Variants in SLC2A9 observed in about 807,000 individuals in gnomAD.
SLC2A9 encodes solute carrier family 2 member 9.
SLC2A9 carries 39 observed loss-of-function variants against 50.6 expected under a neutral mutation model. That is an observed-to-expected ratio of 0.77 (90% CI 0.60 to 1.01). The LOEUF (loss-of-function observed/expected upper bound fraction) is 1.01. SLC2A9 is among the 50% of genes least tolerant of loss of function. The pLI is 0.00. For synonymous variants in SLC2A9, 324 were observed against 276.9 expected (o/e 1.17, Z -1.69); for missense variants, 686 against 677.6 (o/e 1.01, Z -0.14).
At chr4:9,794,241 T>C (rs1002663776), downstream of SLC2A9, among the ~76,000 whole-genome samples, 1 of 151,984 alleles carries the variant, frequency 6.6e-6, no homozygotes, top group Non-Finnish European at 1.5e-5. Context: ...CTCTGGCTCC[T>C]GGTTTTGGTT....
Position 9,808,534 on chromosome 4 carries a change from T to C in SLC2A9, n.421-9293A>G, listed in dbSNP as rs531290366. 1.2e-4 allele frequency among the ~76,000 whole-genome samples: 19 copies of C among 152,326 alleles called. No individual in the cohort carries two copies. In the South Asian group the frequency reaches 3.5e-3, roughly 28 times the overall value. On this transcript the variant is annotated intron_variant and non_coding_transcript_variant, in intron 3 of 3. Transcript: ENST00000503280. ...ATTATTGTATTTATAGTAATAATAGTAGTAATAACTATTACTGGGACCCGC... is the reference window on the plus strand; with the variant it reads ...ATTATTGTATTTATAGTAATAATAGCAGTAATAACTATTACTGGGACCCGC...
chr4:9,803,058 T>A (rs1044681261), intron 3 of SLC2A9, among the ~76,000 whole-genome samples: 30 of 152,256 alleles, frequency 2.0e-4, no homozygotes, highest in African/African-American at 7.0e-4. Context: ...GGCAAGTGTA[T>A]TGGCCTGGGA....
In SLC2A9 at chr4:9,843,441, G is replaced by A. The variant is rs60065895; in HGVS notation, c.1292-8433C>T. On this transcript the variant is annotated intron_variant, in intron 10 of 11. Coordinates refer to ENST00000264784, the MANE Select transcript of SLC2A9 (RefSeq NM_020041.3). ...GTCCCACACTCTAATTAGGAGCATG[G>A]AGTGGGGGTCTTATGCTAAAGTTAG... Among the ~76,000 whole-genome samples the A allele has an allele frequency of 7.7e-3, 1,169 of 152,196 alleles. 16 individuals are homozygous for A. The highest frequency in any genetic ancestry group is 0.027 in the African/African-American group (1,122 of 41,524).
intron 3 of SLC2A9, among the ~76,000 whole-genome samples, chr4:9,809,483 G>A (rs1186775785): frequency 6.6e-6 from 1 of 152,226 alleles, no homozygotes; most frequent in Non-Finnish European, 1.5e-5. Flanking sequence ...GTGTACTGGG[G>A]TGGAGAGAAG....
Position 9,890,717 on chromosome 4 carries a change from C to A in SLC2A9, c.1114-6G>T. ...AGGTGCTCAATGACCAAACCCTAGT[C>A]CAGGGTAAAAGAGAGAGAGAGAGCT... On this transcript the variant is annotated splice_polypyrimidine_tract_variant and splice_region_variant and intron_variant, in intron 8 of 11. Transcript: ENST00000264784. 1.2e-6 allele frequency: 2 copies of A among 1,611,880 alleles called. No individual in the cohort carries two copies. The highest frequency in any genetic ancestry group is 2.2e-5 in the East Asian group (1 of 44,860).
At chr4:9,953,472 T>C (rs1371379603) in intron 5 of SLC2A9, among the ~76,000 whole-genome samples, 1 of 152,226 alleles carries the variant, frequency 6.6e-6, no homozygotes, top group Non-Finnish European at 1.5e-5. Context: ...CCCTTGGTCA[T>C]TTTGGACCTC....
At chr4:10,019,251 C>A (rs1238496475) in intron 1 of SLC2A9, 178 bp from the exon 2 acceptor site, 2 of 611,402 alleles carry the variant, frequency 3.3e-6, no homozygotes, top group African/African-American at 3.7e-5. Flanking sequence ...GGGTTCCAGT[C>A]CAGGTCCGCG....
chr4:9,855,234 C>T (rs1457340320), intron 10 of SLC2A9, among the ~76,000 whole-genome samples: 2 of 152,196 alleles, frequency 1.3e-5, no homozygotes, highest in Non-Finnish European at 2.9e-5. Flanking sequence ...CAAAAAGCTT[C>T]GTGATCTGAT....
At chr4:9,872,415 T>C (rs1319561559) in intron 10 of SLC2A9, among the ~76,000 whole-genome samples, 1 of 152,128 alleles carries the variant, frequency 6.6e-6, no homozygotes, top group Non-Finnish European at 1.5e-5. Context: ...TGAATAAAAA[T>C]ATGTTAACAA....
intron 10 of SLC2A9, among the ~76,000 whole-genome samples, chr4:9,851,975 A>G (rs1730002388): frequency 6.6e-6 from 1 of 152,246 alleles, no homozygotes; most frequent in Non-Finnish European, 1.5e-5. Context: ...AGGGAGAGAA[A>G]GCAAGCAACT....
chr4:9,869,428 C>T (rs1388464538), intron 10 of SLC2A9, among the ~76,000 whole-genome samples: 2 of 152,040 alleles, frequency 1.3e-5, no homozygotes, highest in African/African-American at 4.8e-5. Context: ...TTCCCAATTC[C>T]AGGCACAGTG....
chr4:9,853,605 C>T (rs1730297831), intron 10 of SLC2A9, among the ~76,000 whole-genome samples: 1 of 152,106 alleles, frequency 6.6e-6, no homozygotes. Flanking sequence ...GGGCAGAAAA[C>T]CAGCAAAGAT....
chr4:9,815,662 T>C (rs1519094), intron 3 of SLC2A9, among the ~76,000 whole-genome samples: 141,414 of 152,286 alleles, frequency 0.93, 65,827 homozygotes, highest in Middle Eastern at 0.96. Flanking sequence ...CTGGTTCCTA[T>C]GATGGACTAG....
intron 10 of SLC2A9, among the ~76,000 whole-genome samples, chr4:9,836,035 C>T (rs919774255): frequency 1.5e-5 from 2 of 131,150 alleles, no homozygotes; most frequent in South Asian, 4.6e-4. Context: ...TGCAGTGAGC[C>T]GAGATCAAGC....
At chr4:10,019,135 A>T in intron 1 of SLC2A9, 62 bp from the exon 2 acceptor site, 1 of 1,330,868 alleles carries the variant, frequency 7.5e-7, no homozygotes, top group South Asian at 1.3e-5. Flanking sequence ...CCGAGGGAAG[A>T]CCTGGAACGT....
intron 5 of SLC2A9, among the ~76,000 whole-genome samples, chr4:9,949,865 G>C (rs946570580): frequency 6.6e-6 from 1 of 152,184 alleles, no homozygotes; most frequent in African/African-American, 2.4e-5. Context: ...CCATAGGGTT[G>C]CTTTGTTACA....
At chr4:9,892,274 T>A (rs1479453392) in intron 8 of SLC2A9, among the ~76,000 whole-genome samples, 2 of 152,170 alleles carry the variant, frequency 1.3e-5, no homozygotes, top group African/African-American at 4.8e-5. Flanking sequence ...CACCTGGGCA[T>A]GAATGTTGAG....
At chr4:9,783,629 G>A in intron 3 of SLC2A9, 3 of 691,118 alleles carry the variant, frequency 4.3e-6, no homozygotes, top group Non-Finnish European at 7.3e-6. Flanking sequence ...GTAGTTCGAA[G>A]AATTGGCAGA....
At chr4:9,889,109 T>A (rs1736838878) in intron 9 of SLC2A9, among the ~76,000 whole-genome samples, 1 of 152,212 alleles carries the variant, frequency 6.6e-6, no homozygotes, top group South Asian at 2.1e-4. Flanking sequence ...GGGTTCCCCC[T>A]TGGGGCTTAT....
Sources: gnomAD v4.1 joint callset for allele counts (sites outside exome capture counted in the v4.1 genomes callset) on GRCh38, gnomAD v4.1.1 for gene constraint, MANE v1.5 for transcripts, NCBI Gene and HGNC (gene_info 2026-07-23, HGNC 2026-07-21) for gene names.